The following C4orf50 variants were observed in gnomAD, a reference collection of about 807,000 sequenced individuals.
C4orf50 encodes uncharacterized protein C4orf50.
In C4orf50, 80 loss-of-function variants were observed where a neutral mutation model predicts 77.2. The observed-to-expected ratio is 1.04, with a 90% CI of 0.87 to 1.25. The LOEUF (loss-of-function observed/expected upper bound fraction) is 1.25. Ranked by LOEUF, C4orf50 falls within the 50% of genes most tolerant of loss-of-function variation. The probability of loss-of-function intolerance (pLI) is 0.00; values close to 1 mark genes in which losing one functional copy is unlikely to be tolerated. For missense variants in C4orf50, 1,257 were observed against 1,152.9 expected (o/e 1.09, Z -1.31); for synonymous variants, 532 against 465.3 (o/e 1.14, Z -1.84).
intron 7 of C4orf50, among the ~76,000 whole-genome samples, chr4:5,947,405 AGGAAGTTTACCATAGGAGGAAAAGACC>A (rs1718530361): frequency 6.6e-6 from 1 of 152,242 alleles, no homozygotes; most frequent in Admixed American, 6.5e-5. Context: ...CTGATGAGAA[AGGAAGTTTACCATAGGAGGAAAAGACC>A]TCAATAATTG....
intron 31 of C4orf50, among the ~76,000 whole-genome samples, chr4:5,973,174 A>C (rs2108774548): frequency 6.6e-6 from 1 of 152,308 alleles, no homozygotes; most frequent in East Asian, 1.9e-4. Context: ...ATGCCCCGTC[A>C]CGCGGGGCCA....
At position 5,932,544 on chromosome 4, in the gene C4orf50, T is replaced by G. The variant is rs1577902770; in HGVS notation, c.*2474+24357A>C. ...TCGACCTCCCAGGCTCAATTGATCC[T>G]CCCGCCTCAGCCTCCTGAGTAGCTG... On this transcript the variant is annotated intron_variant, in intron 7 of 7. Transcript: ENST00000324058. This position sits in a 1 kb window ranked among gnomAD's most constrained non-coding sequence, Gnocchi z 4.2. 6.6e-6 allele frequency among the ~76,000 whole-genome samples: 1 copy of G among 152,154 alleles called. No individual in the cohort carries two copies. Among genetic ancestry groups the G allele is most frequent in the African/African-American group, 2.4e-5 (1 of 41,444 alleles).
At chr4:5,936,494 G>A (rs2108748257) in intron 7 of C4orf50, among the ~76,000 whole-genome samples, 1 of 144,710 alleles carries the variant, frequency 6.9e-6, no homozygotes, top group Middle Eastern at 3.6e-3. Context: ...CCCAGGAGGT[G>A]AAGGCTGCAG....
At chr4:5,936,556 C>T (rs1411384022) in intron 7 of C4orf50, among the ~76,000 whole-genome samples, 3 of 95,014 alleles carry the variant, frequency 3.2e-5, no homozygotes, top group East Asian at 2.2e-4. Flanking sequence ...TGGCAAGACG[C>T]CATCTCAAAA....
Position 5,992,815 on chromosome 4 carries a change from G to A in C4orf50, c.1209C>T (p.Ser403=). Residue 403 remains serine (S), a synonymous_variant, in exon 27 of 34, where the codon TCC becomes TCT. Transcript: ENST00000531445. This position sits in a 1 kb window ranked among gnomAD's most constrained non-coding sequence, Gnocchi z 5.0. The stretch of plus-strand genomic sequence containing the variant: ...CCTCTGGCCTCACCTGTTCACGGTT[G>A]GATCCGGCCAGGTCTCTGGGGAGCT... 1 of 399,138 alleles carries A rather than the reference G, an allele frequency of 2.5e-6. No homozygotes were observed. Among genetic ancestry groups the A allele is most frequent in the East Asian group, 3.6e-5 (1 of 28,062 alleles). 24.7% of individuals were successfully genotyped at this position (399,138 alleles called of 1,614,324 possible). A position where few individuals can be genotyped will look rare whatever the true frequency, so the allele number is the denominator to read the frequency against.
intron 31 of C4orf50, 119 bp from the exon 10 acceptor site, chr4:5,967,581 G>C (rs1719655465): frequency 1.2e-6 from 1 of 815,650 alleles, no homozygotes; most frequent in South Asian, 1.4e-5. Flanking sequence ...ACCGCTTTCT[G>C]TGTAGGACCA....
At chr4:5,998,952 T>C (rs1374541745) in intron 25 of C4orf50, among the ~76,000 whole-genome samples, 1 of 152,230 alleles carries the variant, frequency 6.6e-6, no homozygotes, top group Non-Finnish European at 1.5e-5. Flanking sequence ...TCAGGGTTTG[T>C]CCTTGCAGTG....
intron 7 of C4orf50, among the ~76,000 whole-genome samples, chr4:5,946,583 C>G (rs1391319603): frequency 6.6e-6 from 1 of 152,178 alleles, no homozygotes; most frequent in African/African-American, 2.4e-5. Context: ...AGCCTATGCC[C>G]CTCCCTTATT....
chr4:5,943,943 G>A (rs939182225), intron 7 of C4orf50, among the ~76,000 whole-genome samples: 2 of 152,090 alleles, frequency 1.3e-5, no homozygotes, highest in African/African-American at 4.8e-5. Flanking sequence ...CAGACAGTGG[G>A]GGCCAAAGGT....
intron 30 of C4orf50, among the ~76,000 whole-genome samples, chr4:5,975,176 A>C (rs1423144299): frequency 7.4e-5 from 10 of 134,464 alleles, no homozygotes; most frequent in Admixed American, 3.1e-4. Flanking sequence ...AAAAAAAAAA[A>C]AACTACATCA....
chr4:5,999,019 G>A (rs541575892), intron 25 of C4orf50, among the ~76,000 whole-genome samples: 11 of 152,276 alleles, frequency 7.2e-5, no homozygotes, highest in Admixed American at 5.9e-4. Flanking sequence ...ATGTGACCTC[G>A]GGAGGAAGCA....
intron 7 of C4orf50, chr4:5,899,830 T>G (rs1681599146): frequency 6.6e-6 from 1 of 152,340 alleles, no homozygotes; most frequent in South Asian, 2.1e-4. Flanking sequence ...GGAGAGAGGC[T>G]TGGGCATCAG....
chr4:5,942,850 G>A (rs115682160), intron 7 of C4orf50, among the ~76,000 whole-genome samples: 3,333 of 152,154 alleles, frequency 0.022, 50 homozygotes, highest in South Asian at 0.034. Context: ...GTATGATCTC[G>A]TTTTTCAAAA....
At chr4:5,928,622 C>CT (rs1456649574) in intron 7 of C4orf50, among the ~76,000 whole-genome samples, 6 of 152,194 alleles carry the variant, frequency 3.9e-5, no homozygotes, top group African/African-American at 1.4e-4. Flanking sequence ...ACCCTGCATG[C>CT]TTCCCGGTGA....
At chr4:5,937,313 C>T (rs1000886218) in intron 7 of C4orf50, among the ~76,000 whole-genome samples, 1 of 152,068 alleles carries the variant, frequency 6.6e-6, no homozygotes, top group Non-Finnish European at 1.5e-5. Flanking sequence ...TTAAAGCCTT[C>T]TTAGGATTCT....
chr4:5,939,249 AAAAG>A (rs1553914203), intron 7 of C4orf50, among the ~76,000 whole-genome samples: 204 of 152,088 alleles, frequency 1.3e-3, no homozygotes, highest in South Asian at 0.012. Context: ...GTCTCAAAAA[AAAAG>A]AAAGAAAGAA....
At chr4:5,979,794 A>G (rs1171184119) in intron 29 of C4orf50, among the ~76,000 whole-genome samples, 1 of 152,186 alleles carries the variant, frequency 6.6e-6, no homozygotes, top group Non-Finnish European at 1.5e-5. Context: ...CCAGTTTTAA[A>G]CGTGTGTGTC....
intron 23 of C4orf50, among the ~76,000 whole-genome samples, chr4:6,014,515 A>G (rs1362975004): frequency 6.6e-6 from 1 of 152,216 alleles, no homozygotes. Flanking sequence ...GAGAAGAAAT[A>G]CTTTTGTGCT....
exon 34 of C4orf50, chr4:5,959,040 A>G (rs371754993): frequency 7.1e-5 from 17 of 240,050 alleles, no homozygotes; most frequent in African/African-American, 3.5e-4. Flanking sequence ...GTGACAACCA[A>G]AAATGTCTCC....
Sources: allele counts gnomAD v4.1 joint callset (sites outside exome capture counted in the v4.1 genomes callset), GRCh38; gene constraint gnomAD v4.1.1; non-coding constraint Gnocchi (gnomAD v3.1); transcripts MANE v1.5; gene names NCBI Gene and HGNC (gene_info 2026-07-23, HGNC 2026-07-21).